MYLK: variants seen among roughly 807,000 people sequenced by gnomAD.
MYLK encodes the protein myosin light chain kinase, smooth muscle.
MYLK carries 106 observed loss-of-function variants against 203.4 expected under a neutral mutation model. The observed-to-expected ratio is 0.52, with a 90% confidence interval of 0.45 to 0.61. The LOEUF (loss-of-function observed/expected upper bound fraction) is 0.61. Ranked by LOEUF, MYLK falls within the 20% of genes least tolerant of loss-of-function variation. The pLI is 0.00. For synonymous variants in MYLK, 867 were observed against 959.5 expected (o/e 0.90, Z 1.78); for missense variants, 2,072 against 2,442.3 (o/e 0.85, Z 3.20).
At chr3:123,637,949 TG>T (rs915995119) in intron 29 of MYLK, 121 bp downstream of exon 29, 104 of 1,448,134 alleles carry the variant, frequency 7.2e-5, no homozygotes, top group Middle Eastern at 4.9e-4. Context: ...CTCCTGACTC[TG>T]GGGGGGGCTC....
rs112440839 is a variant in MYLK at position 123,854,448 on chromosome 3, T to C, written c.-127+22111A>G. Among the ~76,000 whole-genome samples the C allele has an allele frequency of 2.9e-3, 438 of 152,244 alleles. 1 individual carries two copies. Among genetic ancestry groups the C allele is most frequent in the African/African-American group, 0.01 (422 of 41,556 alleles). On this transcript the variant is annotated intron_variant, in intron 2 of 33. Transcript: ENST00000360304. Reference sequence around the variant, plus strand: ...TCATGTTTTTCAAACCATACACACTTATGAATTTTTTGCATAGCTAACAAA... The same window carrying C: ...TCATGTTTTTCAAACCATACACACTCATGAATTTTTTGCATAGCTAACAAA...
intron 18 of MYLK, among the ~76,000 whole-genome samples, chr3:123,696,803 A>G (rs2060948274): frequency 6.6e-6 from 1 of 152,174 alleles, no homozygotes; most frequent in Non-Finnish European, 1.5e-5. Context: ...ACTGAGCTTC[A>G]TGTACAGTGT....
At chr3:123,760,909 T>C (rs902711650) in intron 4 of MYLK, among the ~76,000 whole-genome samples, 1 of 152,276 alleles carries the variant, frequency 6.6e-6, no homozygotes. Context: ...GCAGTTTTAC[T>C]GTGCCATTAT....
intron 18 of MYLK, among the ~76,000 whole-genome samples, chr3:123,696,203 TC>T (rs1459177629): frequency 1.3e-5 from 2 of 151,914 alleles, no homozygotes; most frequent in Admixed American, 1.3e-4. Context: ...ATCAGAGAAG[TC>T]CCCTGAAACC....
Position 123,873,530 on chromosome 3 carries a change from T to C in MYLK, c.-127+3029A>G, listed in dbSNP as rs112539393. ...TATTCAGAGATGACATGATTATCTA[T>C]GATGAAAATCTCAAAGAATCTAGAA... On this transcript the variant is annotated intron_variant, in intron 2 of 33. Transcript: ENST00000360304. Among the ~76,000 whole-genome samples, 983 of 152,184 alleles carry C rather than the reference T, an allele frequency of 6.5e-3. 18 individuals are homozygous for C. Among genetic ancestry groups the C allele is most frequent in the African/African-American group, 0.022 (919 of 41,536 alleles).
At chr3:123,686,668 T>G (rs1156231392) in intron 19 of MYLK, among the ~76,000 whole-genome samples, 3 of 152,136 alleles carry the variant, frequency 2.0e-5, no homozygotes, top group Non-Finnish European at 4.4e-5. Flanking sequence ...TTCCTGAACT[T>G]TTCTGAGTCT....
At position 123,614,147 on chromosome 3, in the gene MYLK, C is replaced by T. The variant is rs540804249; in HGVS notation, c.5703G>A (p.Thr1901=). 3.4e-5 allele frequency: 55 copies of T among 1,613,768 alleles called. No homozygotes were observed. In the East Asian group the frequency reaches 8.0e-4, roughly 24 times the overall value. Residue 1901 remains threonine (T), a synonymous_variant, in exon 34 of 34, where the codon ACG becomes ACA. Coordinates refer to ENST00000360304, the MANE Select transcript of MYLK (RefSeq NM_053025.4). ...ATCTAELIVE[T]MEEGEGEGEE... ...CCCCTTCCCCTTCACCTTCCTCCAT[C>T]GTTTCCACAATGAGCTCTGCTGTGC...
chr3:123,659,760 G>T, intron 23 of MYLK: 1 of 505,860 alleles, frequency 2.0e-6, no homozygotes, highest in East Asian at 5.5e-5. Context: ...CACTCAGACT[G>T]GGAGGGAGAC....
At chr3:123,753,600 T>C (rs1214035822) in intron 4 of MYLK, among the ~76,000 whole-genome samples, 1 of 151,182 alleles carries the variant, frequency 6.6e-6, no homozygotes, top group South Asian at 2.1e-4. Context: ...GAGGGGAAAA[T>C]GCAGAGATAA....
chr3:123,853,970 A>G (rs894766869), intron 2 of MYLK, among the ~76,000 whole-genome samples: 2 of 152,058 alleles, frequency 1.3e-5, no homozygotes, highest in Non-Finnish European at 2.9e-5. Context: ...GTTTTTGGAC[A>G]GTTAAATGCT....
chr3:123,879,764 TGCTGGGACTACAGCCGAGTA>T (rs533695941), intron 1 of MYLK, among the ~76,000 whole-genome samples: 145 of 152,204 alleles, frequency 9.5e-4, no homozygotes, highest in South Asian at 3.9e-3. Context: ...CCTCCCGAGT[TGCTGGGACTACAGCCGAGTA>T]GCTGGGACTA....
intron 14 of MYLK, chr3:123,709,135 T>G: frequency 2.0e-5 from 2 of 99,136 alleles, no homozygotes; most frequent in Non-Finnish European, 3.7e-5. Context: ...TCTCACATAA[T>G]TTTTTTTTTT....
intron 3 of MYLK, chr3:123,831,268 G>T: frequency 3.7e-6 from 3 of 815,378 alleles, no homozygotes; most frequent in South Asian, 3.4e-5. Flanking sequence ...AGGGCAACCC[G>T]CAGGCCCTTA....
intron 4 of MYLK, among the ~76,000 whole-genome samples, chr3:123,758,168 G>A (rs1228010243): frequency 6.6e-6 from 1 of 152,106 alleles, no homozygotes; most frequent in Non-Finnish European, 1.5e-5. Context: ...GTGAGCCAGG[G>A]GCATGGCATG....
intron 4 of MYLK, among the ~76,000 whole-genome samples, chr3:123,789,044 T>A (rs2064662586): frequency 6.6e-6 from 1 of 152,126 alleles, no homozygotes; most frequent in South Asian, 2.1e-4. Flanking sequence ...TTGACTCTGC[T>A]GGGGAAAACA....
At position 123,642,386 on chromosome 3, in the gene MYLK, G is replaced by A. The variant is rs1361375207; in HGVS notation, c.4620-1882C>T. ...TATTACTTATCGTTTGATAAGCTGT[G>A]GTGGGCTAGGTGGATCTTGTCACTG... On this transcript the variant is annotated intron_variant, in intron 27 of 33. Coordinates refer to ENST00000360304, the MANE Select transcript of MYLK (RefSeq NM_053025.4). This position sits in a 1 kb window ranked among gnomAD's most constrained non-coding sequence, Gnocchi z 4.2. 1.3e-5 allele frequency among the ~76,000 whole-genome samples: 2 copies of A among 152,150 alleles called. No homozygotes were observed. Among genetic ancestry groups the A allele is most frequent in the Admixed American group, 6.5e-5 (1 of 15,280 alleles).
chr3:123,723,495 C>T (rs1222312645), intron 12 of MYLK, among the ~76,000 whole-genome samples: 1 of 152,218 alleles, frequency 6.6e-6, no homozygotes, highest in African/African-American at 2.4e-5. Context: ...CTTGACAATA[C>T]CAGTGTATTC....
chr3:123,621,563 A>T (rs1286769624), intron 31 of MYLK: 1 of 152,242 alleles, frequency 6.6e-6, no homozygotes, highest in Non-Finnish European at 1.5e-5. Flanking sequence ...CAGTAAAAAG[A>T]CTGATCATTT....
chr3:123,731,927 C>A (rs111590446), intron 11 of MYLK, among the ~76,000 whole-genome samples: 3,198 of 150,724 alleles, frequency 0.021, 52 homozygotes, highest in Non-Finnish European at 0.032. Flanking sequence ...AGAAGATTAT[C>A]AAAAATTATT....
Sources: allele counts gnomAD v4.1 joint callset (sites outside exome capture counted in the v4.1 genomes callset), GRCh38; gene constraint gnomAD v4.1.1; non-coding constraint Gnocchi (gnomAD v3.1); transcripts MANE v1.5; gene names NCBI Gene and HGNC (gene_info 2026-07-23, HGNC 2026-07-21).